The following PHAF1 variants were observed in gnomAD, a reference collection of about 807,000 sequenced individuals.
PHAF1 encodes the protein phagosome assembly factor 1.
A neutral mutation model predicts 63.1 loss-of-function variants in PHAF1; 23 were observed. That is an observed-to-expected ratio of 0.36 (90% CI 0.26 to 0.52). The LOEUF is 0.52. Among genes scored for constraint, PHAF1 ranks in the 20% least tolerant of loss-of-function variants. The pLI is 0.93. For missense variants in PHAF1, 427 were observed against 517.2 expected (o/e 0.83, Z 1.69); for synonymous variants, 167 against 185.0 (o/e 0.90, Z 0.79).
chr16:67,124,526 T>C (rs1433667753), intron 2 of PHAF1, among the ~76,000 whole-genome samples: 1 of 152,210 alleles, frequency 6.6e-6, no homozygotes, highest in African/African-American at 2.4e-5. Context: ...TTCCAGCCTA[T>C]GTCTGTCTCT....
At chr16:67,135,881 CCAT>C (rs2145872735) in intron 8 of PHAF1, 1 of 152,350 alleles carries the variant, frequency 6.6e-6, no homozygotes, top group Admixed American at 6.5e-5. Flanking sequence ...GCACGCACCA[CCAT>C]GCCTGGCTCT....
chr16:67,144,138 C>T (rs1283458925), intron 10 of PHAF1, among the ~76,000 whole-genome samples, 156 bp from the exon 11 acceptor site: 1 of 151,966 alleles, frequency 6.6e-6, no homozygotes, highest in Non-Finnish European at 1.5e-5. Flanking sequence ...AGCTGCTTGG[C>T]CTGTCCCCTG....
At chr16:67,117,599 AC>A (rs1430936436) in intron 1 of PHAF1, among the ~76,000 whole-genome samples, 4 of 150,540 alleles carry the variant, frequency 2.7e-5, no homozygotes, top group African/African-American at 9.8e-5. Flanking sequence ...ACATGGTGAA[AC>A]CCTGTCTCTA....
At chr16:67,126,842 C>A (rs1963212588) in intron 3 of PHAF1, among the ~76,000 whole-genome samples, 1 of 151,578 alleles carries the variant, frequency 6.6e-6, no homozygotes, top group East Asian at 1.9e-4. Flanking sequence ...CCCACCACAG[C>A]CTCCCAAAGT....
At chr16:67,145,272 C>T in intron 12 of PHAF1, 104 bp from the exon 13 acceptor site, 1 of 1,322,792 alleles carries the variant, frequency 7.6e-7, no homozygotes, top group Non-Finnish European at 1.1e-6. Context: ...CCCATGTACT[C>T]CAACCCCAGT....
rs562812125 is a variant in PHAF1, at chr16:67,148,163, T to C, written c.*1032T>C. The C allele has an allele frequency of 6.5e-6, 1 of 152,824 alleles. No homozygotes were observed. Among genetic ancestry groups the C allele is most frequent in the East Asian group, 1.9e-4 (1 of 5,192 alleles). The allele number at this position is 152,824 out of a possible 1,614,324, so 9.5% of individuals were successfully genotyped here. A position where few individuals can be genotyped will look rare whatever the true frequency, so the allele number is the denominator to read the frequency against. ...AACTTGTGATACATAGATGACAATT[T>C]TGTGAGTTTTTCAAATGTGTGTACA... On this transcript the variant is annotated 3_prime_UTR_variant, in exon 16 of 16. Coordinates refer to ENST00000219139, the MANE Select transcript of PHAF1 (RefSeq NM_025187.5).
chr16:67,120,274 C>A, intron 2 of PHAF1, 80 bp downstream of exon 2: 3 of 1,330,144 alleles, frequency 2.3e-6, no homozygotes, highest in Non-Finnish European at 1.1e-6. Flanking sequence ...TTGGGATAGG[C>A]TGACTGGCAA....
chr16:67,139,915 C>T, intron 8 of PHAF1, 69 bp from the exon 9 acceptor site: 1 of 1,588,702 alleles, frequency 6.3e-7, no homozygotes, highest in Admixed American at 1.7e-5. Context: ...AGTAGCTTCT[C>T]TGGGGCCCCC....
At chr16:67,144,416 T>C in intron 11 of PHAF1, 40 bp downstream of exon 11, 2 of 1,476,858 alleles carry the variant, frequency 1.4e-6, no homozygotes, top group African/African-American at 2.8e-5. Flanking sequence ...GTGAAGTGAG[T>C]TTTGGGCTGA....
At chr16:67,138,816 T>C (rs1963698048) in intron 8 of PHAF1, among the ~76,000 whole-genome samples, 1 of 152,188 alleles carries the variant, frequency 6.6e-6, no homozygotes, top group Non-Finnish European at 1.5e-5. Flanking sequence ...TGTCAGGTGT[T>C]TGTGTAGAAT....
chr16:67,118,766 CTTTTTTTTTT>C (rs910658530), intron 1 of PHAF1, among the ~76,000 whole-genome samples: 3 of 99,996 alleles, frequency 3.0e-5, no homozygotes, highest in African/African-American at 4.9e-5. Context: ...TGATCTTAAA[CTTTTTTTTTT>C]TTTTTTTTTT....
intron 1 of PHAF1, among the ~76,000 whole-genome samples, chr16:67,114,731 T>C (rs1385594737): frequency 6.6e-6 from 1 of 152,204 alleles, no homozygotes; most frequent in African/African-American, 2.4e-5. Flanking sequence ...AAGGATACTT[T>C]GTGTTGGAAT....
rs573331731 is a variant in PHAF1, at chr16:67,146,384, G to T, written c.1182+34G>T. On this transcript the variant is annotated intron_variant, in intron 15 of 15. Transcript: ENST00000219139. The stretch of plus-strand genomic sequence containing the variant: ...TGGAAGCCCTAGAAATAAACTGCCT[G>T]GGGGGTTGCTGGTCATGGCAGGGCC... 3.4e-5 allele frequency: 54 copies of T among 1,595,108 alleles called. 1 individual carries two copies. In the South Asian group the frequency reaches 4.9e-4, roughly 14 times the overall value.
intron 8 of PHAF1, chr16:67,139,672 CTT>C (rs1321642683): frequency 3.6e-6 from 1 of 275,792 alleles, no homozygotes; most frequent in East Asian, 7.5e-5. Flanking sequence ...TTTTTGTTCA[CTT>C]TTGTTTCTTC....
chr16:67,140,552 G>A lies in PHAF1; in HGVS notation c.837G>A (p.Ser279=), dbSNP rs753226741. The A allele has an allele frequency of 5.0e-6, 8 of 1,602,290 alleles. No homozygotes were observed. The highest frequency in any genetic ancestry group is 1.7e-5 in the Admixed American group (1 of 59,996). Residue 279 remains serine, a synonymous_variant, in exon 10 of 16, where the codon TCG becomes TCA. Coordinates refer to ENST00000219139, the MANE Select transcript of PHAF1 (RefSeq NM_025187.5). ...HSPSPHKQVP[S]KCNDYFFNYF... is the part of the protein sequence containing the mutation. ...CTTCCCCTCATAAACAAGTTCCATC[G>A]AAGTGTAATGACTACTTTTTTAACT...
At chr16:67,145,496 C>G (rs1555547188) in intron 13 of PHAF1, 74 bp from the exon 14 acceptor site, 1 of 1,611,790 alleles carries the variant, frequency 6.2e-7, no homozygotes, top group Non-Finnish European at 8.5e-7. Context: ...GGGGCTGTGT[C>G]CTCTAGGCCA....
chr16:67,146,167 C>T, intron 14 of PHAF1, 111 bp from the exon 15 acceptor site: 1 of 974,312 alleles, frequency 1.0e-6, no homozygotes, highest in Non-Finnish European at 1.7e-6. Flanking sequence ...CAGACACTCA[C>T]AGCCATGAGA....
Position 67,140,608 on chromosome 16 carries a change from C to A in PHAF1, c.879+14C>A, listed in dbSNP as rs753624189. ...ACTCTTGGAGTGGTAAGTTGTGATTCCTCAGAGAAGCCCTTCATTTCTATT... is the reference window on the plus strand; with the variant it reads ...ACTCTTGGAGTGGTAAGTTGTGATTACTCAGAGAAGCCCTTCATTTCTATT... On this transcript the variant is annotated intron_variant, in intron 10 of 15. Coordinates refer to ENST00000219139, the MANE Select transcript of PHAF1 (RefSeq NM_025187.5). 1 of 1,544,092 alleles carries A rather than the reference C, an allele frequency of 6.5e-7. No homozygotes were observed. The highest frequency in any genetic ancestry group is 1.1e-5 in the South Asian group (1 of 89,548).
chr16:67,146,910 C>A lies in PHAF1; in HGVS notation c.1183-135C>A, dbSNP rs555743895. The A allele has an allele frequency of 5.0e-6, 4 of 793,960 alleles. No individual in the cohort carries two copies. The African/African-American group carries it at 6.7e-5, about 13-fold the overall frequency. The allele number at this position is 793,960 out of a possible 1,614,324, so 49.2% of individuals were successfully genotyped here. ...GGCAGAGGGGGGCCTTTAGCATGAA[C>A]CAGGGGAGGTTGAGGAGTCGGGAAA... On this transcript the variant is annotated intron_variant, in intron 15 of 15. Coordinates refer to ENST00000219139, the MANE Select transcript of PHAF1 (RefSeq NM_025187.5).
Sources: gnomAD v4.1 joint callset for allele counts (sites outside exome capture counted in the v4.1 genomes callset) on GRCh38, gnomAD v4.1.1 for gene constraint, MANE v1.5 for transcripts, NCBI Gene and HGNC (gene_info 2026-07-23, HGNC 2026-07-21) for gene names.